Variants in AASS observed in about 807,000 individuals in gnomAD.
AASS encodes the protein aminoadipate-semialdehyde synthase, also known as alpha-aminoadipic semialdehyde synthase, mitochondrial.
In AASS, 86 loss-of-function variants were observed where a neutral mutation model predicts 105.4. That is an observed-to-expected ratio of 0.82 (90% CI 0.69 to 0.98). AASS has a LOEUF of 0.98. Ranked by LOEUF, AASS falls within the 50% of genes least tolerant of loss-of-function variation. AASS has a pLI of 0.00. For missense variants in AASS, 1,048 were observed against 1,143.2 expected, an observed-to-expected ratio of 0.92 and a Z score of 1.20; for synonymous variants, 381 against 394.8, an observed-to-expected ratio of 0.96 and a Z score of 0.41.
intron 19 of AASS, among the ~76,000 whole-genome samples, chr7:122,085,287 T>A (rs77090052): frequency 0.013 from 1,980 of 152,318 alleles, 22 homozygotes; most frequent in Non-Finnish European, 0.019. Context: ...GCTACCCAAT[T>A]TGTGATATTA....
intron 4 of AASS, among the ~76,000 whole-genome samples, chr7:122,122,548 A>G (rs1161827669): frequency 6.6e-6 from 1 of 152,228 alleles, no homozygotes; most frequent in Non-Finnish European, 1.5e-5. Context: ...AAAAATTATG[A>G]GTCTTGCAAT....
At chr7:122,092,711 C>G (rs1368892901) in intron 17 of AASS, 132 bp downstream of exon 17, 1 of 773,570 alleles carries the variant, frequency 1.3e-6, no homozygotes, top group Non-Finnish European at 2.2e-6. Flanking sequence ...GCAACAAGAG[C>G]AAAACTCAGT....
At chr7:122,079,301 T>C in intron 21 of AASS, 4 of 1,346,774 alleles carry the variant, frequency 3.0e-6, no homozygotes. Context: ...TGTTTTCATG[T>C]AATATTCTAT....
chr7:122,096,030 G>C (rs1725066), intron 15 of AASS, among the ~76,000 whole-genome samples: 1 of 151,758 alleles, frequency 6.6e-6, no homozygotes, highest in Non-Finnish European at 1.5e-5. Flanking sequence ...TTCATAATTC[G>C]TCTCGAATAT....
intron 1 of AASS, among the ~76,000 whole-genome samples, chr7:122,138,678 A>G (rs1259000439): frequency 2.0e-5 from 3 of 152,200 alleles, no homozygotes; most frequent in South Asian, 2.1e-4. Flanking sequence ...TTATCTTTCC[A>G]TCTCTCAAGG....
intron 11 of AASS, among the ~76,000 whole-genome samples, chr7:122,107,769 C>CA (rs1408312407): frequency 6.6e-6 from 1 of 151,694 alleles, no homozygotes; most frequent in Non-Finnish European, 1.5e-5. Context: ...GAGAGGAGCA[C>CA]AAAAAATGAC....
At chr7:122,098,399 GAAAAGAAATAACAACA>G in intron 15 of AASS, 35 bp downstream of exon 15, 1 of 1,605,014 alleles carries the variant, frequency 6.2e-7, no homozygotes, top group Non-Finnish European at 8.5e-7. Flanking sequence ...AGAAAAATGA[GAAAAGAAATAACAACA>G]AAAATATGAA....
chr7:122,076,436 A>G lies in AASS; in HGVS notation c.*53T>C. 1 of 1,166,710 alleles carries G rather than the reference A, an allele frequency of 8.6e-7. No individual in the cohort carries two copies. Among genetic ancestry groups the G allele is most frequent in the Middle Eastern group, 2.0e-4 (1 of 5,024 alleles). The allele number at this position is 1,166,710 out of a possible 1,614,324, so 72.3% of individuals were successfully genotyped here. A position where few individuals can be genotyped will look rare whatever the true frequency, so the allele number is the denominator to read the frequency against. On this transcript the variant is annotated 3_prime_UTR_variant, in exon 24 of 24. Transcript: ENST00000417368. ...ACATTAGCAAACCCATTTATCACACACATGTTCAGAGGTGTATTGCCTGGG... is the reference window on the plus strand; with the variant it reads ...ACATTAGCAAACCCATTTATCACACGCATGTTCAGAGGTGTATTGCCTGGG...
At chr7:122,114,209 A>G (rs1046949039) in intron 9 of AASS, among the ~76,000 whole-genome samples, 18 of 152,186 alleles carry the variant, frequency 1.2e-4, no homozygotes, top group South Asian at 2.1e-4. Flanking sequence ...ACATGAACCA[A>G]TGTAGAGCTA....
At chr7:122,087,371 T>G (rs1310956215) in intron 18 of AASS, among the ~76,000 whole-genome samples, 1 of 152,294 alleles carries the variant, frequency 6.6e-6, no homozygotes, top group Admixed American at 6.5e-5. Flanking sequence ...AGACTCACTT[T>G]GGAGAGTGCC....
At chr7:122,125,224 T>C (rs937715591) in intron 4 of AASS, among the ~76,000 whole-genome samples, 1 of 152,084 alleles carries the variant, frequency 6.6e-6, no homozygotes, top group Non-Finnish European at 1.5e-5. Context: ...CCTGCCTGAA[T>C]TGGTTTTAAG....
At chr7:122,134,927 T>C (rs1266890772) in intron 1 of AASS, among the ~76,000 whole-genome samples, 1 of 152,152 alleles carries the variant, frequency 6.6e-6, no homozygotes, top group Non-Finnish European at 1.5e-5. Flanking sequence ...ATATACACCA[T>C]GGAATACTAT....
At chr7:122,104,888 C>A (rs1284914406) in intron 11 of AASS, among the ~76,000 whole-genome samples, 1 of 151,880 alleles carries the variant, frequency 6.6e-6, no homozygotes, top group African/African-American at 2.4e-5. Flanking sequence ...ATGCAATTTA[C>A]TCATGTAATA....
At chr7:122,129,289 T>G in intron 3 of AASS, 72 bp downstream of exon 3, 1 of 1,013,508 alleles carries the variant, frequency 9.9e-7, no homozygotes, top group African/African-American at 1.7e-5. Flanking sequence ...AGACTAAAAC[T>G]CCATTTGGGG....
rs570885550 is a variant in AASS, at chr7:122,129,373, C to T, written c.375G>A (p.Glu125=). 7.5e-6 allele frequency: 12 copies of T among 1,603,300 alleles called. No individual in the cohort carries two copies. The South Asian group carries it at 1.2e-4, about 17-fold the overall frequency. Residue 125 remains glutamate (E), a synonymous_variant, in exon 3 of 24, where the codon GAG becomes GAA. Coordinates refer to ENST00000417368, the MANE Select transcript of AASS (RefSeq NM_005763.4). ...AATCACTAATTACCTGTTTTAGAAT[C>T]TCATCCAACAAGCCCATATTGGCCT... The part of the protein sequence containing the change: ...AQEANMGLLD[E]ILKQEIRLID...
At chr7:122,121,736 T>C (rs932763067) in intron 4 of AASS, among the ~76,000 whole-genome samples, 8 of 152,154 alleles carry the variant, frequency 5.3e-5, no homozygotes, top group African/African-American at 1.9e-4. Flanking sequence ...ATTCTACCAT[T>C]TGTAGTGTTC....
rs541740350 is a variant in AASS, at chr7:122,141,585, G to A, written c.-16+2576C>T. Among the ~76,000 whole-genome samples the A allele has an allele frequency of 1.5e-4, 21 of 141,722 alleles. No homozygotes were observed. The South Asian group carries it at 4.8e-3, about 32-fold the overall frequency. The allele number at this position is 141,722 out of a possible 152,430, so 93.0% of individuals were successfully genotyped here. On this transcript the variant is annotated intron_variant, in intron 1 of 23. Transcript: ENST00000417368. ...AATAAACATTATAAAGACCTATGCA[G>A]CAAGAAAACAAACAAACAAACAAAC...
chr7:122,077,157 T>G (rs965611093), intron 23 of AASS, among the ~76,000 whole-genome samples: 1 of 152,192 alleles, frequency 6.6e-6, no homozygotes, highest in African/African-American at 2.4e-5. Context: ...TATGCTACTA[T>G]ACATTTTTTT....
Position 122,136,330 on chromosome 7 carries a change from A to C in AASS, c.-15-2589T>G, listed in dbSNP as rs541800341. Among the ~76,000 whole-genome samples, 3 of 152,284 alleles carry C rather than the reference A, an allele frequency of 2.0e-5. No homozygotes were observed. In the South Asian group the frequency reaches 6.2e-4, roughly 32 times the overall value. ...AATCAGACAACAGACCAAACAGCGAAGAGTCCAGCTAAGAAGGCTTTAGGA... is the reference window on the plus strand; with the variant it reads ...AATCAGACAACAGACCAAACAGCGACGAGTCCAGCTAAGAAGGCTTTAGGA... On this transcript the variant is annotated intron_variant, in intron 1 of 23. Transcript: ENST00000417368.
Sources: allele counts gnomAD v4.1 joint callset (sites outside exome capture counted in the v4.1 genomes callset), GRCh38; gene constraint gnomAD v4.1.1; transcripts MANE v1.5; gene names NCBI Gene and HGNC (gene_info 2026-07-23, HGNC 2026-07-21).